Variants in HRNR observed in about 807,000 individuals in gnomAD.
HRNR encodes the protein filaggrin family member 3.
HRNR carries 7 observed loss-of-function variants against 4.8 expected under a neutral mutation model. The ratio of observed to expected loss-of-function variants is 1.47; its 90% CI spans 0.83 to 2.75. The LOEUF (loss-of-function observed/expected upper bound fraction) is 2.75. HRNR is among the 30% of genes most tolerant of loss of function. The pLI, the probability that HRNR is intolerant of heterozygous loss-of-function variation, is 0.00. For missense variants in HRNR, 2,879 were observed against 3,010.4 expected (o/e 0.96, Z 1.02); for synonymous variants, 1,023 against 1,242.7 (o/e 0.82, Z 3.72).
Position 152,220,725 on chromosome 1 carries a change from C to A in HRNR, c.904G>T (p.Gly302Ter). 1 of 1,613,984 alleles carries A rather than the reference C, an allele frequency of 6.2e-7. No homozygotes were observed. The highest frequency in any genetic ancestry group is 8.5e-7 in the Non-Finnish European group (1 of 1,179,944). Reference sequence around the variant, plus strand: ...ACGTGGCTAGGAGACTGGCGAGATCCAGACCCTTGTCGGCCGTGGCCCAAA... The same window carrying A: ...ACGTGGCTAGGAGACTGGCGAGATCAAGACCCTTGTCGGCCGTGGCCCAAA... ...QSLGHGRQGS[G>*]SRQSPSHVRH... is the part of the protein sequence containing the mutation. The change falls in exon 3 of 3, where the codon GGA becomes TGA. Residue 302 changes from glycine to a stop codon, truncating the protein, a stop_gained. Coordinates refer to ENST00000368801, the MANE Select transcript of HRNR (RefSeq NM_001009931.3). LOFTEE classifies it low-confidence loss of function (END_TRUNC).
chr1:152,220,663 G>T lies in HRNR; in HGVS notation c.966C>A (p.His322Gln), dbSNP rs373322403. 1 of 1,611,704 alleles carries T rather than the reference G, an allele frequency of 6.2e-7. No homozygotes were observed. The highest frequency in any genetic ancestry group is 1.3e-5 in the African/African-American group (1 of 74,722). ...HGSGSGHSSS[H>Q]GQHGSGSSYS... is the part of the protein sequence containing the mutation. ...AACTTGAGCCAGACCCGTGTTGGCC[G>T]TGGCTGGAGGAGTGCCCCGAACCGG... Residue 322 changes from histidine to glutamine, a missense_variant, in exon 3 of 3, where the codon CAC becomes CAA. By Grantham distance (24) the His-to-Gln change is conservative (BLOSUM62 0). Coordinates refer to ENST00000368801, the MANE Select transcript of HRNR (RefSeq NM_001009931.3).
chr1:152,220,448 G>C lies in HRNR; in HGVS notation c.1181C>G (p.Ser394Ter), dbSNP rs1267008841. 3 of 1,613,804 alleles carry C rather than the reference G, an allele frequency of 1.9e-6. No homozygotes were observed. The highest frequency in any genetic ancestry group is 3.3e-5 in the Admixed American group (2 of 59,986). The change falls in exon 3 of 3, where the codon TCA becomes TGA. Residue 394 changes from serine (S) to a stop codon, truncating the protein, a stop_gained. Coordinates refer to ENST00000368801, the MANE Select transcript of HRNR (RefSeq NM_001009931.3). LOFTEE classifies it low-confidence loss of function (END_TRUNC). ...ASSSGQHGSS[S>*]RQSSSYGQHE... Reference sequence around the variant, plus strand: ...CTGACCATAGCTGGAAGACTGACGTGAGCTGGAGCCATGTTGGCCAGAGCT... The same window carrying C: ...CTGACCATAGCTGGAAGACTGACGTCAGCTGGAGCCATGTTGGCCAGAGCT...
rs961384203 is a variant in HRNR at position 152,223,172 on chromosome 1, A to G, written c.82T>C (p.Leu28=). The change falls in exon 2 of 3, where the codon TTG becomes CTG. Residue 28 remains leucine (L), a synonymous_variant. Transcript: ENST00000368801. ...AGTTCTTTCAGCTCTGCCTTGTTCA[A>G]CGTATCATACTCCCCATGCTGGGTG... The part of the protein sequence containing the change: ...YATQHGEYDT[L]NKAELKELLE... 1.9e-6 allele frequency: 3 copies of G among 1,613,924 alleles called. No homozygotes were observed. Among genetic ancestry groups the G allele is most frequent in the Non-Finnish European group, 2.5e-6 (3 of 1,179,856 alleles).
At position 152,212,783 on chromosome 1, in the gene HRNR, C is replaced by T. The variant is rs1310969989; in HGVS notation, c.*293G>A. On this transcript the variant is annotated 3_prime_UTR_variant, in exon 3 of 3. Transcript: ENST00000368801. The stretch of plus-strand genomic sequence containing the variant: ...TCTCAAAAAGACAACTCCAACTAAA[C>T]CCAAAGCTCTTTAAAAGCTTTTCAT... 6.8e-6 allele frequency: 3 copies of T among 443,920 alleles called. No homozygotes were observed. Among genetic ancestry groups the T allele is most frequent in the Non-Finnish European group, 1.2e-5 (3 of 251,382 alleles). The allele number at this position is 443,920 out of a possible 1,614,324, so 27.5% of individuals were successfully genotyped here.
chr1:152,220,934 C>G lies in HRNR; in HGVS notation c.695G>C (p.Ser232Thr). 1 of 1,612,504 alleles carries G rather than the reference C, an allele frequency of 6.2e-7. No homozygotes were observed. The highest frequency in any genetic ancestry group is 1.1e-5 in the South Asian group (1 of 91,086). Residue 232 changes from serine (S) to threonine (T), a missense_variant, in exon 3 of 3, where the codon AGT becomes ACT. Transcript: ENST00000368801. ...GSGSGQSSGF[S>T]QHKSSSGQSS... ...CTGCCCTGAGCTAGACTTGTGTTGA[C>G]TAAAGCCAGAAGACTGGCCTGAGCC...
chr1:152,219,343 A>C lies in HRNR; in HGVS notation c.2286T>G (p.Ser762=), dbSNP rs747100873. The C allele has an allele frequency of 1.9e-6, 3 of 1,613,690 alleles. No individual in the cohort carries two copies. Among genetic ancestry groups the C allele is most frequent in the East Asian group, 4.5e-5 (2 of 44,818 alleles). ...YGQHGSGSHQ[S]SGHGRQGSGS... ...CAGACCCTTGTCGGCCGTGGCCCGA[A>C]GATTGATGGGAGCCCGACCCATGCT... is the stretch of plus-strand genomic sequence containing the variant. Residue 762 remains serine, a synonymous_variant, in exon 3 of 3, where the codon TCT becomes TCG. Coordinates refer to ENST00000368801, the MANE Select transcript of HRNR (RefSeq NM_001009931.3).
rs1648532291 is a variant in HRNR, at chr1:152,214,543, AC to A, written c.7085del (p.Gly2362ValfsTer99). 1 of 1,611,974 alleles carries A rather than the reference AC, an allele frequency of 6.2e-7. No individual in the cohort carries two copies. The highest frequency in any genetic ancestry group is 1.7e-5 in the Admixed American group (1 of 59,966). On this transcript the variant is annotated frameshift_variant, in exon 3 of 3. Transcript: ENST00000368801. LOFTEE classifies it low-confidence loss of function (END_TRUNC). ...SGYTQHGSGS[G>X]HSSSYEQHGS... ...CGTGTTGTTCGTAGCTGGAGGAGTGACCTGAGCCAGATCCATGCTGAGTGTA... is the reference window on the plus strand; with the variant it reads ...CGTGTTGTTCGTAGCTGGAGGAGTGACTGAGCCAGATCCATGCTGAGTGTA...
Position 152,218,783 on chromosome 1 carries a change from G to T in HRNR, c.2846C>A (p.Ser949Tyr). 1 of 1,613,896 alleles carries T rather than the reference G, an allele frequency of 6.2e-7. No homozygotes were observed. Among genetic ancestry groups the T allele is most frequent in the Non-Finnish European group, 8.5e-7 (1 of 1,180,014 alleles). The change falls in exon 3 of 3, where the codon TCT (serine) becomes TAT (tyrosine). Residue 949 changes from serine to tyrosine, a missense_variant. Transcript: ENST00000368801. ...GTAGCTGGAGGAGTGACCTGAGCCAGATCCATGCTGAGTGTAACCAGAGGA... is the reference window on the plus strand; with the variant it reads ...GTAGCTGGAGGAGTGACCTGAGCCATATCCATGCTGAGTGTAACCAGAGGA... The part of the protein sequence containing the change: ...GQSSGYTQHG[S>Y]GSGHSSSYEQ...
rs774236601 is a variant in HRNR at position 152,220,835 on chromosome 1, C to T, written c.794G>A (p.Gly265Glu). The T allele has an allele frequency of 1.3e-5, 21 of 1,613,852 alleles. No individual in the cohort carries two copies. Among genetic ancestry groups the T allele is most frequent in the Non-Finnish European group, 2.5e-6 (3 of 1,179,990 alleles). Residue 265 changes from glycine to glutamate, a missense_variant, in exon 3 of 3, where the codon GGA (glycine) becomes GAA (glutamate). By Grantham distance (98) the Gly-to-Glu change is moderately conservative. Transcript: ENST00000368801. Reference protein sequence around the residue: ...SGYGQHGSRSGQSSRGERHRS... With the variant: ...SGYGQHGSRSEQSSRGERHRS... ...GTGTCGTTCACCCCTAGATGACTGT[C>T]CTGACCTAGAGCCGTGTTGTCCGTA...
Position 152,218,401 on chromosome 1 carries a change from A to G in HRNR, c.3228T>C (p.His1076=), listed in dbSNP as rs199554130. 6.2e-7 allele frequency: 1 copy of G among 1,612,478 alleles called. No homozygotes were observed. The highest frequency in any genetic ancestry group is 8.5e-7 in the Non-Finnish European group (1 of 1,179,870). The change falls in exon 3 of 3, where the codon CAT becomes CAC. Residue 1076 remains histidine, a synonymous_variant. Transcript: ENST00000368801. ...GTCCTGATGTAGAACCGTGTTGCCC[A>G]TGGGTAGAGGAATGACCTGAGCTAG... ...HGSSSGHSST[H]GQHGSTSGQS...
Position 152,219,907 on chromosome 1 carries a change from A to C in HRNR, c.1722T>G (p.Tyr574Ter), listed in dbSNP as rs772462714. ...GSGRSSSRGP[Y>*]ESGSGHSSGL... ...CAGAAGAGTGACCGGAGCCAGACTC[A>C]TATGGGCCACGGCTTGAAGACCTCC... Residue 574 changes from tyrosine to a stop codon, truncating the protein, a stop_gained, in exon 3 of 3, where the codon TAT (tyrosine) becomes TAG (stop). Coordinates refer to ENST00000368801, the MANE Select transcript of HRNR (RefSeq NM_001009931.3). LOFTEE classifies it low-confidence loss of function (END_TRUNC). 1.9e-6 allele frequency: 3 copies of C among 1,613,658 alleles called. No individual in the cohort carries two copies. The East Asian group carries it at 6.7e-5, about 36-fold the overall frequency.
Position 152,219,713 on chromosome 1 carries a change from T to C in HRNR, c.1916A>G (p.His639Arg). Reference protein sequence around the residue: ...TSGQSSSHGQHGSGSSQSSRY... With the variant: ...TSGQSSSHGQRGSGSSQSSRY... ...AGAAGACTGACTTGAGCCAGAGCCA[T>C]GCTGACCGTGGCTGGAAGACTGACC... The change falls in exon 3 of 3, where the codon CAT becomes CGT. Residue 639 changes from histidine (H) to arginine (R), a missense_variant. Physicochemically the swap from His to Arg is conservative, Grantham distance 29. Transcript: ENST00000368801. 2 of 1,613,492 alleles carry C rather than the reference T, an allele frequency of 1.2e-6. No individual in the cohort carries two copies. The highest frequency in any genetic ancestry group is 8.5e-7 in the Non-Finnish European group (1 of 1,179,598).
chr1:152,221,308 CT>C lies in HRNR; in HGVS notation c.320del (p.Gln107ArgfsTer53). ...SGSKLRDDTH[Q>X]HQEEQEETEK... ...CAGTTTCTTCTTGTTCCTCTTGGTG[CT>C]GGTGAGTGTCATCTCTCAGCTTTGA... On this transcript the variant is annotated frameshift_variant, in exon 3 of 3. Coordinates refer to ENST00000368801, the MANE Select transcript of HRNR (RefSeq NM_001009931.3). LOFTEE classifies it low-confidence loss of function (END_TRUNC). The C allele has an allele frequency of 1.2e-6, 2 of 1,613,966 alleles. No homozygotes were observed. The highest frequency in any genetic ancestry group is 1.7e-6 in the Non-Finnish European group (2 of 1,180,004).
Position 152,212,927 on chromosome 1 carries a change from T to A in HRNR, c.*149A>T, listed in dbSNP as rs1192435286. The A allele has an allele frequency of 3.2e-5, 35 of 1,093,788 alleles. No individual in the cohort carries two copies. Among genetic ancestry groups the A allele is most frequent in the Non-Finnish European group, 4.2e-5 (33 of 779,790 alleles). The allele number at this position is 1,093,788 out of a possible 1,614,324, so 67.8% of individuals were successfully genotyped here. On this transcript the variant is annotated 3_prime_UTR_variant, in exon 3 of 3. Transcript: ENST00000368801. ...CCCCATAACAAGATATATGCTACAG[T>A]TTTAGGCTCTAAAGAAAGAGACAGA...
rs1398789253 is a variant in HRNR, at chr1:152,220,958, C to G, written c.671G>C (p.Gly224Ala). 11 of 1,612,346 alleles carry G rather than the reference C, an allele frequency of 6.8e-6. No homozygotes were observed. The highest frequency in any genetic ancestry group is 9.3e-6 in the Non-Finnish European group (11 of 1,178,388). The change falls in exon 3 of 3, where the codon GGC becomes GCC. Residue 224 changes from glycine (G) to alanine (A), a missense_variant. By Grantham distance (60) the Gly-to-Ala change is moderately conservative. Transcript: ENST00000368801. ...QSSSNDTHGS[G>A]SGQSSGFSQH... ...ACTAAAGCCAGAAGACTGGCCTGAG[C>G]CAGACCCATGTGTGTCATTGCTGGA...
Position 152,223,174 on chromosome 1 carries a change from G to C in HRNR, c.80C>G (p.Thr27Arg), listed in dbSNP as rs762320978. 9 of 1,613,552 alleles carry C rather than the reference G, an allele frequency of 5.6e-6. No individual in the cohort carries two copies. Among genetic ancestry groups the C allele is most frequent in the Admixed American group, 1.7e-5 (1 of 60,004 alleles). The change falls in exon 2 of 3, where the codon ACG becomes AGG. Residue 27 changes from threonine to arginine, a missense_variant. Transcript: ENST00000368801. Reference protein sequence around the residue: ...QYATQHGEYDTLNKAELKELL... With the variant: ...QYATQHGEYDRLNKAELKELL... ...TTCTTTCAGCTCTGCCTTGTTCAACGTATCATACTCCCCATGCTGGGTGGC... is the reference window on the plus strand; with the variant it reads ...TTCTTTCAGCTCTGCCTTGTTCAACCTATCATACTCCCCATGCTGGGTGGC...
rs1428618444 is a variant in HRNR, at chr1:152,220,024, AG to A, written c.1604del (p.Ser535LeufsTer50). 6.2e-7 allele frequency: 1 copy of A among 1,614,016 alleles called. No homozygotes were observed. Among genetic ancestry groups the A allele is most frequent in the Non-Finnish European group, 8.5e-7 (1 of 1,180,016 alleles). Reference protein sequence around the residue: ...RQSLGHSRHGSGSGQSPSPSR... With the variant: ...RQSLGHSRHGXGSGQSPSPSR... ...TAGGGCTAGGAGACTGGCCAGATCC[AG>A]ACCCATGTCGGCTGTGTCCCAAAGA... On this transcript the variant is annotated frameshift_variant, in exon 3 of 3. Coordinates refer to ENST00000368801, the MANE Select transcript of HRNR (RefSeq NM_001009931.3). LOFTEE classifies it low-confidence loss of function (END_TRUNC).
rs1399498545 is a variant in HRNR at position 152,219,061 on chromosome 1, T to G, written c.2568A>C (p.Gln856His). The change falls in exon 3 of 3, where the codon CAA becomes CAC. Residue 856 changes from glutamine to histidine, a missense_variant. Around this residue, in one of 8 missense-constraint regions of HRNR, gnomAD observed 2,646 missense variants for 1,377.7 expected, o/e 1.92. Transcript: ENST00000368801. ...STSGQSSSSG[Q>H]HDSSSGQSSS... is the part of the protein sequence containing the mutation. ...AAGATTGACCTGAGCTAGAGTCATGTTGGCCGGAGCTTGATGACTGCCCTG... is the reference window on the plus strand; with the variant it reads ...AAGATTGACCTGAGCTAGAGTCATGGTGGCCGGAGCTTGATGACTGCCCTG... 1 of 1,613,420 alleles carries G rather than the reference T, an allele frequency of 6.2e-7. No homozygotes were observed. Among genetic ancestry groups the G allele is most frequent in the Non-Finnish European group, 8.5e-7 (1 of 1,179,900 alleles).
chr1:152,218,702 C>G lies in HRNR; in HGVS notation c.2927G>C (p.Ser976Thr), dbSNP rs758134162. Reference protein sequence around the residue: ...QSSRSEQHGSSSGSSSSYGQH... With the variant: ...QSSRSEQHGSTSGSSSSYGQH... ...ACCATAGCTGGAAGACGAACCTGAG[C>G]TAGATCCATGTTGTTCGCTCCTAGA... The change falls in exon 3 of 3, where the codon AGC becomes ACC. Residue 976 changes from serine to threonine, a missense_variant. This residue lies in a region of HRNR where 2,646 missense variants were observed against 1,377.7 expected (regional missense o/e 1.92). Transcript: ENST00000368801. 15 of 1,613,922 alleles carry G rather than the reference C, an allele frequency of 9.3e-6. No individual in the cohort carries two copies. Among genetic ancestry groups the G allele is most frequent in the South Asian group, 6.6e-5 (6 of 91,062 alleles).
Sources: allele counts gnomAD v4.1 joint callset, GRCh38; gene constraint gnomAD v4.1.1; regional missense constraint gnomAD v4.1.1; transcripts MANE v1.5; gene names NCBI Gene and HGNC (gene_info 2026-07-23, HGNC 2026-07-21).